The following PKD1 variants were observed in gnomAD, a reference collection of about 807,000 sequenced individuals.
PKD1 encodes the protein polycystin-1.
A neutral mutation model predicts 361.7 loss-of-function variants in PKD1; 81 were observed. That is an observed-to-expected ratio of 0.22 (90% confidence interval 0.19 to 0.27). PKD1 has a LOEUF of 0.27. Among genes scored for constraint, PKD1 ranks in the 10% least tolerant of loss-of-function variants. The probability of loss-of-function intolerance (pLI) is 1.00; values close to 1 mark genes in which losing one functional copy is unlikely to be tolerated. For synonymous variants in PKD1, 3,615 were observed against 2,818.3 expected (o/e 1.28, Z -8.95); for missense variants, 6,399 against 6,118.3 (o/e 1.05, Z -1.53).
rs753464188 is a variant in PKD1, at chr16:2,111,294, G to C, written c.3873C>G (p.Val1291=). Residue 1291 remains valine, a synonymous_variant, in exon 15 of 46, where the codon GTC becomes GTG. Transcript: ENST00000262304. ...GHLARSLHVL[V]FVLEVLRVEP... ...CAACGCGCAGCACCTCCAGGACGAA[G>C]ACCAGCACGTGCAGGCTCCGGGCCA... 1.9e-6 allele frequency: 3 copies of C among 1,609,454 alleles called. No individual in the cohort carries two copies. The highest frequency in any genetic ancestry group is 1.1e-5 in the South Asian group (1 of 90,976).
At chr16:2,127,504 C>G (rs1488352031) in intron 1 of PKD1, among the ~76,000 whole-genome samples, 1 of 152,218 alleles carries the variant, frequency 6.6e-6, no homozygotes, top group Non-Finnish European at 1.5e-5. Context: ...AGTGTCTGGT[C>G]TAAGCACAGG....
At position 2,094,047 on chromosome 16, in the gene PKD1, C is replaced by G. The variant is rs765571052; in HGVS notation, c.10619-34G>C. ...GCAGAGACAGACCTGTGAGAGGCAG[C>G]TCACAGGGAGGGGCTAGGGGCATCC... On this transcript the variant is annotated intron_variant, in intron 35 of 45. Transcript: ENST00000262304. The G allele has an allele frequency of 1.2e-5, 19 of 1,591,720 alleles. No homozygotes were observed. The Middle Eastern group carries it at 9.9e-4, about 83-fold the overall frequency.
Position 2,097,864 on chromosome 16 carries a change from T to C in PKD1, c.10167+4A>G, listed in dbSNP as rs751092595. ...CAGCCCAGGACCCCCAGTAGAGTCC[T>C]CACCTCAGCGTGGAGGCCTGAGAAC... On this transcript the variant is annotated splice_donor_region_variant and intron_variant, in intron 31 of 45. Transcript: ENST00000262304. The C allele has an allele frequency of 2.5e-6, 4 of 1,606,916 alleles. No individual in the cohort carries two copies. The South Asian group carries it at 4.4e-5, about 18-fold the overall frequency.
intron 34 of PKD1, 199 bp downstream of exon 34, chr16:2,096,949 G>C (rs1214697821): frequency 1.7e-6 from 1 of 603,516 alleles, no homozygotes; most frequent in Non-Finnish European, 3.0e-6. Context: ...TCCCTCCCTA[G>C]AGGGAAGGTT....
In PKD1 at chr16:2,109,221, A is replaced by G. The variant is rs765110412; in HGVS notation, c.5946T>C (p.Pro1982=). 5.0e-6 allele frequency: 8 copies of G among 1,592,014 alleles called. No individual in the cohort carries two copies. The South Asian group carries it at 7.7e-5, about 15-fold the overall frequency. Residue 1982 remains proline, a synonymous_variant, in exon 15 of 46, where the codon CCT becomes CCC. Transcript: ENST00000262304. ...SGLQVPNCCE[P]GIATGTERNF... The stretch of plus-strand genomic sequence containing the variant: ...TCCTCTCAGTGCCCGTGGCGATGCC[A>G]GGCTCGCAGCAGTTGGGCACCTGCA...
At chr16:2,132,813 G>A (rs1481643308) in intron 1 of PKD1, among the ~76,000 whole-genome samples, 1 of 150,186 alleles carries the variant, frequency 6.7e-6, no homozygotes, top group Non-Finnish European at 1.5e-5. Flanking sequence ...TGGGCGTGGT[G>A]GCTCATGCCT....
At chr16:2,121,320 G>A (rs1453165158) in intron 1 of PKD1, among the ~76,000 whole-genome samples, 1 of 151,478 alleles carries the variant, frequency 6.6e-6, no homozygotes, top group South Asian at 2.1e-4. Context: ...AGCTGAGATC[G>A]CACCCCTGCA....
chr16:2,116,749 C>G lies in PKD1; in HGVS notation c.1606+84G>C. On this transcript the variant is annotated intron_variant, in intron 7 of 45. Transcript: ENST00000262304. ...GAAAACCCCCCCACCAGCCCCTCCT[C>G]CTCAGCCCAGGCTCCACCGCGGGCG... The G allele has an allele frequency of 1.1e-5, 12 of 1,078,872 alleles. No homozygotes were observed. In the South Asian group the frequency reaches 1.6e-4, roughly 14 times the overall value. 66.8% of individuals were successfully genotyped at this position (1,078,872 alleles called of 1,614,324 possible).
chr16:2,094,250 AG>A, intron 34 of PKD1, 40 bp from the exon 35 acceptor site: 1 of 1,295,258 alleles, frequency 7.7e-7, no homozygotes, highest in Non-Finnish European at 1.1e-6. Flanking sequence ...CCCGGCCTCC[AG>A]GAGGCAGTTG....
At chr16:2,111,908 C>T in intron 14 of PKD1, 37 bp from the exon 15 acceptor site, 3 of 1,606,708 alleles carry the variant, frequency 1.9e-6, no homozygotes, top group Non-Finnish European at 2.5e-6. Flanking sequence ...GCCGCGGCAC[C>T]CCCACCTGCT....
intron 41 of PKD1, 70 bp downstream of exon 41, chr16:2,091,711 G>C: frequency 6.3e-7 from 1 of 1,588,422 alleles, no homozygotes; most frequent in Non-Finnish European, 8.5e-7. Context: ...GCGGGGGCCG[G>C]AGGAGTGAGG....
chr16:2,117,722 C>T, intron 5 of PKD1, 50 bp from the exon 6 acceptor site: 15 of 1,378,884 alleles, frequency 1.1e-5, no homozygotes, highest in South Asian at 2.4e-5. Flanking sequence ...GGGCCCAAGA[C>T]GGGGGTACCA....
rs764827551 is a variant in PKD1 at position 2,103,690 on chromosome 16, G to A, written c.8367C>T (p.Asp2789=). 9.9e-5 allele frequency: 159 copies of A among 1,609,910 alleles called. No homozygotes were observed. The highest frequency in any genetic ancestry group is 1.1e-4 in the Non-Finnish European group (135 of 1,179,520). ...CGCCATAGCACAGCAGGCTCCGCGG[G>A]TCCGAGCGCTTGCCCTGGGCCACGA... ...EEIVAQGKRS[D]PRSLLCYGGA... Residue 2789 remains aspartate (D), a synonymous_variant, in exon 23 of 46, where the codon GAC becomes GAT. Coordinates refer to ENST00000262304, the MANE Select transcript of PKD1 (RefSeq NM_001009944.3).
chr16:2,104,775 C>G, intron 21 of PKD1, 133 bp from the exon 22 acceptor site: 1 of 786,940 alleles, frequency 1.3e-6, no homozygotes, highest in Non-Finnish European at 2.1e-6. Flanking sequence ...TGGACCCCCA[C>G]AGCCTCCTCA....
rs80360489 is a variant in PKD1, at chr16:2,109,331, G to T, written c.5836C>A (p.His1946Asn). The change falls in exon 15 of 46, where the codon CAC (histidine) becomes AAC (asparagine). Residue 1946 changes from histidine to asparagine, a missense_variant. Coordinates refer to ENST00000262304, the MANE Select transcript of PKD1 (RefSeq NM_001009944.3). ...TTTTTGCCCCGCACGCTCACCACGT[G>T]GTCTCCGACGCGGGGGAAGCTGTGG... The part of the protein sequence containing the change: ...FSHSFPRVGD[H>N]VVSVRGKNHV... The T allele has an allele frequency of 6.3e-7, 1 of 1,590,128 alleles. No homozygotes were observed. Among genetic ancestry groups the T allele is most frequent in the Non-Finnish European group, 8.5e-7 (1 of 1,172,342 alleles).
rs759657491 is a variant in PKD1 at position 2,097,226 on chromosome 16, T to C, written c.10421A>G (p.Gln3474Arg). 1 of 1,581,572 alleles carries C rather than the reference T, an allele frequency of 6.3e-7. No homozygotes were observed. Among genetic ancestry groups the C allele is most frequent in the South Asian group, 1.1e-5 (1 of 87,120 alleles). ...SFSASDEDLI[Q>R]QVLAEGVSSP... Reference sequence around the variant, plus strand: ...GCTGACCCCCTCGGCAAGGACCTGCTGGATCAGGTCTTCATCTAGAGGTAC... The same window carrying C: ...GCTGACCCCCTCGGCAAGGACCTGCCGGATCAGGTCTTCATCTAGAGGTAC... The change falls in exon 34 of 46, where the codon CAG becomes CGG. Residue 3474 changes from glutamine (Q) to arginine (R), a missense_variant. Gln to Arg is a conservative substitution (Grantham distance 43). Transcript: ENST00000262304.
chr16:2,089,823 G>A lies in PKD1; in HGVS notation c.12816C>T (p.Ser4272=), dbSNP rs199569478. The A allele has an allele frequency of 2.3e-4, 365 of 1,602,052 alleles. 1 individual carries two copies. In the African/African-American group the frequency reaches 4.0e-3, roughly 17 times the overall value. Residue 4272 remains serine (S), a synonymous_variant, in exon 46 of 46, where the codon AGC becomes AGT. Transcript: ENST00000262304. The stretch of plus-strand genomic sequence containing the variant: ...CACCCCGACTGGCCCGGGCAAGGCG[G>A]CTGGGCAGTGCTGGCCGCAGGCCCG... ...PSPGLRPALP[S]RLARASRGVD...
Position 2,118,110 on chromosome 16 carries a change from G to A in PKD1, c.882C>T (p.Ile294=), listed in dbSNP as rs370924432. Reference sequence around the variant, plus strand: ...TGGCAGTGACAGGGAGCGGGGCAGCGATGTGGAAGGCTGCTAGCTGGCCAG... The same window carrying A: ...TGGCAGTGACAGGGAGCGGGGCAGCAATGTGGAAGGCTGCTAGCTGGCCAG... ...LASGQLAAFH[I]AAPLPVTATR... Residue 294 remains isoleucine (I), a synonymous_variant, in exon 5 of 46, where the codon ATC becomes ATT. Transcript: ENST00000262304. The surrounding 1 kb of genome is among the most constrained non-coding windows in gnomAD (Gnocchi z 6.0). 7.0e-5 allele frequency: 113 copies of A among 1,604,782 alleles called. No individual in the cohort carries two copies. Among genetic ancestry groups the A allele is most frequent in the East Asian group, 5.6e-4 (25 of 44,730 alleles).
Position 2,102,175 on chromosome 16 carries a change from G to A in PKD1, c.9283C>T (p.Leu3095=), listed in dbSNP as rs764788448. 108 of 1,545,130 alleles carry A rather than the reference G, an allele frequency of 7.0e-5. No individual in the cohort carries two copies. In the East Asian group the frequency reaches 2.3e-3, roughly 33 times the overall value. The part of the protein sequence containing the change: ...LVTYMVMAAI[L]HKLDQLDASR... ...GCATCCAACTGGTCCAGCTTGTGCA[G>A]GATGGCGGCCATGACCATGTAGGTC... is the stretch of plus-strand genomic sequence containing the variant. The change falls in exon 26 of 46, where the codon CTG becomes TTG. Residue 3095 remains leucine (L), a synonymous_variant. Coordinates refer to ENST00000262304, the MANE Select transcript of PKD1 (RefSeq NM_001009944.3).
Sources: allele counts gnomAD v4.1 joint callset (sites outside exome capture counted in the v4.1 genomes callset), GRCh38; gene constraint gnomAD v4.1.1; non-coding constraint Gnocchi (gnomAD v3.1); transcripts MANE v1.5; gene names NCBI Gene and HGNC (gene_info 2026-07-23, HGNC 2026-07-21).